Variants in LAMB1 observed in about 807,000 individuals in gnomAD.
The protein encoded by LAMB1 is laminin subunit beta-1.
Under a neutral mutation model 222.3 loss-of-function variants are expected in LAMB1, and 121 were observed. The observed-to-expected ratio is 0.54, with a 90% CI of 0.47 to 0.63. The LOEUF is 0.63. Ranked by LOEUF, LAMB1 falls within the 30% of genes least tolerant of loss-of-function variation. The probability of loss-of-function intolerance (pLI) is 0.00; values close to 1 mark genes in which losing one functional copy is unlikely to be tolerated. For synonymous variants in LAMB1, 794 were observed against 807.2 expected, an observed-to-expected ratio of 0.98 and a Z score of 0.28; for missense variants, 2,172 against 2,240.8, an observed-to-expected ratio of 0.97 and a Z score of 0.62.
chr7:107,951,221 C>G lies in LAMB1; in HGVS notation c.3391+5G>C. ...CAAGTCAATGCGAGAACGCCCACAA[C>G]TCACCTCGGCACTCCACGTCGGGGT... is the stretch of plus-strand genomic sequence containing the variant. On this transcript the variant is annotated splice_donor_5th_base_variant and intron_variant, in intron 24 of 33. Coordinates refer to ENST00000222399, the MANE Select transcript of LAMB1 (RefSeq NM_002291.3). 6.2e-7 allele frequency: 1 copy of G among 1,612,746 alleles called. No individual in the cohort carries two copies. The highest frequency in any genetic ancestry group is 8.5e-7 in the Non-Finnish European group (1 of 1,178,720).
At chr7:107,965,092 G>A (rs1214429346) in intron 13 of LAMB1, among the ~76,000 whole-genome samples, 1 of 152,200 alleles carries the variant, frequency 6.6e-6, no homozygotes, top group Non-Finnish European at 1.5e-5. Flanking sequence ...ATCTAAGACA[G>A]AAGCCCTCAA....
At chr7:107,950,925 TG>T (rs1394546949) in intron 24 of LAMB1, among the ~76,000 whole-genome samples, 1 of 26,480 alleles carries the variant, frequency 3.8e-5, no homozygotes, top group Non-Finnish European at 7.4e-5. Context: ...GTATTTGTGG[TG>T]TGTGTGTGTG....
Position 107,975,804 on chromosome 7 carries a change from G to A in LAMB1, c.1074C>T (p.Ser358=), listed in dbSNP as rs758179734. ...GCTGACAGTCATCACACACGCCTCC[G>A]CTGACGTTCCCCGTGGCCAGGTAAA... ...MAVYLATGNV[S]GGVCDDCQHN... The change falls in exon 10 of 34, where the codon AGC becomes AGT. Residue 358 remains serine, a synonymous_variant. Transcript: ENST00000222399. 4.1e-5 allele frequency: 66 copies of A among 1,613,920 alleles called. No individual in the cohort carries two copies. The East Asian group carries it at 5.3e-4, about 13-fold the overall frequency.
At chr7:107,973,221 C>G in intron 12 of LAMB1, 150 bp from the exon 13 acceptor site, 1 of 704,382 alleles carries the variant, frequency 1.4e-6, no homozygotes, top group African/African-American at 1.8e-5. Flanking sequence ...AAGGAGTATT[C>G]TGAAATCAAG....
intron 24 of LAMB1, among the ~76,000 whole-genome samples, chr7:107,941,570 A>G (rs1383916545): frequency 6.6e-6 from 1 of 152,182 alleles, no homozygotes; most frequent in Non-Finnish European, 1.5e-5. Context: ...ATGCAAGGAC[A>G]CTTACATACC....
At chr7:107,936,099 G>C (rs2032840439) in intron 26 of LAMB1, among the ~76,000 whole-genome samples, 1 of 152,178 alleles carries the variant, frequency 6.6e-6, no homozygotes, top group Non-Finnish European at 1.5e-5. Flanking sequence ...GGAAAAAATG[G>C]TTGTATCTGT....
At chr7:107,962,819 AACT>A in intron 15 of LAMB1, 83 bp downstream of exon 15, 1 of 1,097,772 alleles carries the variant, frequency 9.1e-7, no homozygotes, top group Non-Finnish European at 1.3e-6. Context: ...CATATTTCAT[AACT>A]ATATATAATA....
Position 107,929,508 on chromosome 7 carries a change from C to T in LAMB1, c.4649G>A (p.Arg1550Gln), listed in dbSNP as rs2032654355. Residue 1550 changes from arginine to glutamine, a missense_variant, in exon 30 of 34, where the codon CGA becomes CAA. Transcript: ENST00000222399. The part of the protein sequence containing the change: ...LQNLTEDIRE[R>Q]VESLSQVEVI... Reference sequence around the variant, plus strand: ...CTCTACTTGAGAAAGGCTTTCAACTCGTTCACGTATATCTTCTGTCAAGTT... The same window carrying T: ...CTCTACTTGAGAAAGGCTTTCAACTTGTTCACGTATATCTTCTGTCAAGTT... 3.1e-6 allele frequency: 5 copies of T among 1,614,070 alleles called. No homozygotes were observed. The highest frequency in any genetic ancestry group is 2.2e-5 in the East Asian group (1 of 44,874).
At chr7:107,984,710 T>A (rs746106920) in intron 7 of LAMB1, among the ~76,000 whole-genome samples, 1 of 152,210 alleles carries the variant, frequency 6.6e-6, no homozygotes, top group Non-Finnish European at 1.5e-5. Context: ...TAAATATAAA[T>A]GACACTCAGT....
At chr7:107,972,965 CAA>C (rs752277066) in intron 13 of LAMB1, 25 bp downstream of exon 13, 9 of 1,561,344 alleles carry the variant, frequency 5.8e-6, no homozygotes, top group Non-Finnish European at 8.0e-6. Flanking sequence ...AGACTGAGGA[CAA>C]GAGCATACGT....
rs986317788 is a variant in LAMB1 at position 107,975,572 on chromosome 7, T to C, written c.1189+117A>G. ...CCACTCCCAGCGTCTTCAACTGCAA[T>C]TACAATAACAATGCTGGCTTTACTG... On this transcript the variant is annotated intron_variant, in intron 10 of 33. Coordinates refer to ENST00000222399, the MANE Select transcript of LAMB1 (RefSeq NM_002291.3). 3 of 1,264,464 alleles carry C rather than the reference T, an allele frequency of 2.4e-6. No homozygotes were observed. The East Asian group carries it at 7.0e-5, about 30-fold the overall frequency. 78.3% of individuals were successfully genotyped at this position (1,264,464 alleles called of 1,614,324 possible).
intron 18 of LAMB1, 56 bp downstream of exon 18, chr7:107,960,389 C>T: frequency 7.2e-7 from 1 of 1,379,694 alleles, no homozygotes; most frequent in Non-Finnish European, 1.0e-6. Flanking sequence ...ACTTCATGTG[C>T]CAGATATACT....
chr7:107,934,637 C>G (rs913142255), intron 27 of LAMB1, among the ~76,000 whole-genome samples: 2 of 152,106 alleles, frequency 1.3e-5, no homozygotes, highest in African/African-American at 4.8e-5. Flanking sequence ...GTTACTGGAA[C>G]AAAGGAACAT....
chr7:107,932,357 C>T lies in LAMB1; in HGVS notation c.4209G>A (p.Gly1403=). ...AAEMTCGTPP[G]ASCSETECGG... ...CACATTCAGTCTCGGAACAGGAGGC[C>T]CCTGGGGGTGTTCCACAGGTCTGCA... The change falls in exon 28 of 34, where the codon GGG becomes GGA. Residue 1403 remains glycine (G), a synonymous_variant. Transcript: ENST00000222399. 1 of 1,614,164 alleles carries T rather than the reference C, an allele frequency of 6.2e-7. No homozygotes were observed. The highest frequency in any genetic ancestry group is 1.7e-4 in the Middle Eastern group (1 of 6,060).
rs57460143 is a variant in LAMB1 at position 108,002,117 on chromosome 7, G to C, written c.38-384C>G. The C allele has an allele frequency of 6.5e-3, 9,646 of 1,478,206 alleles. 330 individuals carry two copies. In the African/African-American group the frequency reaches 0.091, roughly 14 times the overall value. The allele number at this position is 1,478,206 out of a possible 1,614,324, so 91.6% of individuals were successfully genotyped here. A position where few individuals can be genotyped will look rare whatever the true frequency, so the allele number is the denominator to read the frequency against. On this transcript the variant is annotated intron_variant, in intron 2 of 33. Coordinates refer to ENST00000222399, the MANE Select transcript of LAMB1 (RefSeq NM_002291.3). ...GGCGCAGGGAGGCTGACCCCCAAAG[G>C]GCCACACACCCACGCACGTGAACCC...
chr7:107,971,118 T>G (rs1025218857), intron 13 of LAMB1, among the ~76,000 whole-genome samples: 1 of 152,238 alleles, frequency 6.6e-6, no homozygotes, highest in Non-Finnish European at 1.5e-5. Flanking sequence ...CAAAAATCCA[T>G]TTAGCTCACT....
At chr7:107,963,980 C>T (rs754680523) in intron 14 of LAMB1, among the ~76,000 whole-genome samples, 4 of 152,208 alleles carry the variant, frequency 2.6e-5, no homozygotes, top group African/African-American at 4.8e-5. Flanking sequence ...TGCCTATAAT[C>T]GAGCTACTCG....
intron 4 of LAMB1, among the ~76,000 whole-genome samples, chr7:107,996,350 A>G (rs1056121752): frequency 6.6e-6 from 1 of 152,160 alleles, no homozygotes; most frequent in Non-Finnish European, 1.5e-5. Context: ...TCATTCTTCT[A>G]TAGTGTATTT....
chr7:107,977,751 T>G (rs994303065), intron 9 of LAMB1, among the ~76,000 whole-genome samples: 1 of 151,942 alleles, frequency 6.6e-6, no homozygotes, highest in Non-Finnish European at 1.5e-5. Context: ...CACTACAGCC[T>G]AGGCGACAAA....
Sources: allele counts gnomAD v4.1 joint callset (sites outside exome capture counted in the v4.1 genomes callset), GRCh38; gene constraint gnomAD v4.1.1; transcripts MANE v1.5; gene names NCBI Gene and HGNC (gene_info 2026-07-23, HGNC 2026-07-21).